Variants in TENM2 observed in about 807,000 individuals in gnomAD.
The protein encoded by TENM2 is teneurin transmembrane protein 2.
TENM2 carries 52 observed loss-of-function variants against 245.2 expected under a neutral mutation model. The ratio of observed to expected loss-of-function variants is 0.21; its 90% CI spans 0.17 to 0.27. TENM2 has a LOEUF of 0.27. Ranked by LOEUF, TENM2 falls within the 10% of genes least tolerant of loss-of-function variation. The probability of loss-of-function intolerance (pLI) is 1.00; values close to 1 mark genes in which losing one functional copy is unlikely to be tolerated. For synonymous variants in TENM2, 1,363 were observed against 1,438.9 expected, an observed-to-expected ratio of 0.95 and a Z score of 1.19; for missense variants, 3,046 against 3,666.8, an observed-to-expected ratio of 0.83 and a Z score of 4.37.
At chr5:167,912,966 G>T (rs1410231935) in intron 3 of TENM2, among the ~76,000 whole-genome samples, 2 of 152,100 alleles carry the variant, frequency 1.3e-5, no homozygotes, top group East Asian at 3.9e-4. Flanking sequence ...GACCAGCCAA[G>T]CAGCAAGAAA....
chr5:167,427,308 C>A (rs1021909918), intron 2 of TENM2, among the ~76,000 whole-genome samples: 1 of 152,092 alleles, frequency 6.6e-6, no homozygotes, highest in African/African-American at 2.4e-5. Flanking sequence ...CAAAAATTAG[C>A]TGGGCGTGGT....
intron 1 of TENM2, among the ~76,000 whole-genome samples, chr5:167,352,490 G>T (rs115626272): frequency 2.0e-5 from 3 of 152,146 alleles, no homozygotes; most frequent in Non-Finnish European, 4.4e-5. Flanking sequence ...TTTGCCACGT[G>T]ATCCTCCCCT....
intron 2 of TENM2, among the ~76,000 whole-genome samples, chr5:167,815,924 G>A (rs1347072749): frequency 6.6e-6 from 1 of 151,680 alleles, no homozygotes; most frequent in African/African-American, 2.4e-5. Flanking sequence ...TCCCTCCATA[G>A]TATGAGGGGT....
At chr5:168,009,230 CCTT>C (rs796114679) in intron 5 of TENM2, among the ~76,000 whole-genome samples, 1 of 152,136 alleles carries the variant, frequency 6.6e-6, no homozygotes, top group South Asian at 2.1e-4. Context: ...ATACCGTTGC[CCTT>C]TTTGATTTGG....
intron 5 of TENM2, among the ~76,000 whole-genome samples, chr5:168,030,609 T>A (rs922500134): frequency 1.3e-5 from 2 of 152,050 alleles, no homozygotes; most frequent in African/African-American, 2.4e-5. Flanking sequence ...GACAGTGAGC[T>A]TTTTGAGGGC....
At chr5:167,203,622 C>T in the TENM2 span, among the ~76,000 whole-genome samples, 1 of 152,130 alleles carries the variant, frequency 6.6e-6, no homozygotes, top group Non-Finnish European at 1.5e-5. Flanking sequence ...ACAATAGAGG[C>T]TCTACTTAAA....
the TENM2 span, among the ~76,000 whole-genome samples, chr5:167,149,558 T>C: frequency 1.3e-5 from 2 of 152,134 alleles, no homozygotes; most frequent in South Asian, 4.1e-4. Flanking sequence ...TTTAATACTC[T>C]AGCAACACAG....
chr5:167,578,815 C>G (rs970627957), intron 2 of TENM2, among the ~76,000 whole-genome samples: 1 of 152,172 alleles, frequency 6.6e-6, no homozygotes, highest in Non-Finnish European at 1.5e-5. Context: ...ACAAGCTCAG[C>G]TGTGGAGACT....
In TENM2 at chr5:168,247,668, C is replaced by T. The variant is rs1175322069; in HGVS notation, c.6729C>T (p.Leu2243=). 6.2e-7 allele frequency: 1 copy of T among 1,613,910 alleles called. No homozygotes were observed. Among genetic ancestry groups the T allele is most frequent in the Non-Finnish European group, 8.5e-7 (1 of 1,179,904 alleles). The change falls in exon 27 of 29, where the codon CTC becomes CTT. Residue 2243 remains leucine (L), a synonymous_variant. Coordinates refer to ENST00000518659, the Ensembl canonical transcript of TENM2. The surrounding 1 kb of genome is among the most constrained non-coding windows in gnomAD (Gnocchi z 7.8). ...TGAACCCAGGCAACAGTGTGCGCCTCATGCCCTTGCGCTATGACCTCCGGG... is the reference window on the plus strand; with the variant it reads ...TGAACCCAGGCAACAGTGTGCGCCTTATGCCCTTGCGCTATGACCTCCGGG...
chr5:167,916,959 A>G (rs191993815), intron 3 of TENM2, among the ~76,000 whole-genome samples: 1 of 152,296 alleles, frequency 6.6e-6, no homozygotes, highest in Admixed American at 6.5e-5. Flanking sequence ...TTTCTCACTC[A>G]GAGCTGCAAT....
chr5:167,136,632 T>C, the TENM2 span, among the ~76,000 whole-genome samples: 1 of 152,200 alleles, frequency 6.6e-6, no homozygotes, highest in South Asian at 2.1e-4. Flanking sequence ...TTTCTCACTG[T>C]AATGTCACTC....
chr5:167,615,422 C>T (rs147454221), intron 2 of TENM2, among the ~76,000 whole-genome samples: 28 of 152,016 alleles, frequency 1.8e-4, no homozygotes, highest in South Asian at 6.2e-4. Flanking sequence ...ATTAGCAAGT[C>T]GTAGATCCTT....
chr5:167,161,809 A>C, the TENM2 span, among the ~76,000 whole-genome samples: 3 of 152,194 alleles, frequency 2.0e-5, no homozygotes, highest in Non-Finnish European at 4.4e-5. Flanking sequence ...CCAATGCACT[A>C]TTCAGAATTT....
chr5:167,442,451 G>T (rs1305246254), intron 2 of TENM2, among the ~76,000 whole-genome samples: 2 of 151,842 alleles, frequency 1.3e-5, no homozygotes, highest in Admixed American at 1.3e-4. Flanking sequence ...TATATATATT[G>T]CCCAATTCCC....
chr5:167,405,448 G>A (rs1762577689), intron 2 of TENM2, among the ~76,000 whole-genome samples: 2 of 152,000 alleles, frequency 1.3e-5, no homozygotes, highest in Admixed American at 6.6e-5. Context: ...CCCAATGTGA[G>A]GATATAATAA....
the TENM2 span, among the ~76,000 whole-genome samples, chr5:167,179,479 T>C: frequency 6.6e-6 from 1 of 152,172 alleles, no homozygotes; most frequent in African/African-American, 2.4e-5. Flanking sequence ...TTTTATTTCA[T>C]TCCTGGAGAG....
the TENM2 span, among the ~76,000 whole-genome samples, chr5:167,196,773 G>C: frequency 2.0e-5 from 3 of 151,900 alleles, no homozygotes; most frequent in Admixed American, 2.0e-4. Context: ...CATTGTATAA[G>C]GTATGATAAG....
At chr5:168,104,281 G>A (rs1176716498) in intron 9 of TENM2, among the ~76,000 whole-genome samples, 2 of 152,000 alleles carry the variant, frequency 1.3e-5, no homozygotes, top group East Asian at 1.9e-4. Context: ...CACCTGCCTC[G>A]GCCTCCCAAA....
intron 12 of TENM2, among the ~76,000 whole-genome samples, chr5:168,138,962 G>A (rs879633265): frequency 3.9e-5 from 6 of 152,198 alleles, no homozygotes; most frequent in African/African-American, 1.2e-4. Context: ...GACCTCAGCT[G>A]CCTTTTTGCC....
Sources: allele counts gnomAD v4.1 joint callset (sites outside exome capture counted in the v4.1 genomes callset), GRCh38; gene constraint gnomAD v4.1.1; non-coding constraint Gnocchi (gnomAD v3.1); transcripts MANE v1.5; gene names NCBI Gene and HGNC (gene_info 2026-07-23, HGNC 2026-07-21).